The following UBE3C variants were observed in gnomAD, a reference collection of about 807,000 sequenced individuals.
The protein encoded by UBE3C is ubiquitin protein ligase E3C.
Under a neutral mutation model 129.4 loss-of-function variants are expected in UBE3C, and 42 were observed. The ratio of observed to expected loss-of-function variants is 0.32; its 90% CI spans 0.25 to 0.42. UBE3C has a LOEUF of 0.42. Ranked by LOEUF, UBE3C falls within the 10% of genes least tolerant of loss-of-function variation. The probability of loss-of-function intolerance (pLI) is 1.00; values close to 1 mark genes in which losing one functional copy is unlikely to be tolerated. For synonymous variants in UBE3C, 510 were observed against 492.4 expected, an observed-to-expected ratio of 1.04 and a Z score of -0.47; for missense variants, 1,049 against 1,319.1, an observed-to-expected ratio of 0.80 and a Z score of 3.17.
chr7:157,255,934 C>G (rs1490424260), intron 21 of UBE3C, among the ~76,000 whole-genome samples: 2 of 152,102 alleles, frequency 1.3e-5, no homozygotes, highest in Non-Finnish European at 2.9e-5. Flanking sequence ...CCAAATCATG[C>G]TGGGAAAACA....
At chr7:157,152,585 C>T (rs770723347) in intron 1 of UBE3C, among the ~76,000 whole-genome samples, 5 of 152,138 alleles carry the variant, frequency 3.3e-5, no homozygotes, top group Non-Finnish European at 5.9e-5. Context: ...TTTATGAGCT[C>T]ATTGATCTCG....
chr7:157,248,329 T>C, intron 18 of UBE3C, 39 bp from the exon 19 acceptor site: 2 of 1,568,866 alleles, frequency 1.3e-6, no homozygotes, highest in Non-Finnish European at 1.7e-6. Flanking sequence ...AGAAGGCTTG[T>C]ATATTCGATG....
chr7:157,192,929 T>G (rs1809013665), intron 10 of UBE3C: 2 of 652,792 alleles, frequency 3.1e-6, no homozygotes, highest in South Asian at 3.7e-5. Flanking sequence ...CTTTCCCCCA[T>G]TTTAATTTAA....
At chr7:157,236,252 G>A (rs1216830770) in intron 18 of UBE3C, among the ~76,000 whole-genome samples, 1 of 151,862 alleles carries the variant, frequency 6.6e-6, no homozygotes, top group Non-Finnish European at 1.5e-5. Flanking sequence ...TTTTTTTACA[G>A]ATAGAAGCAC....
intron 22 of UBE3C, among the ~76,000 whole-genome samples, chr7:157,257,946 CTTT>C (rs755192643): frequency 1.5e-5 from 2 of 135,904 alleles, no homozygotes; most frequent in Non-Finnish European, 3.2e-5. Context: ...TTCCTTTTTT[CTTT>C]TTTTTTTTTT....
intron 9 of UBE3C, among the ~76,000 whole-genome samples, chr7:157,184,562 C>T (rs986659807): frequency 3.9e-5 from 6 of 152,062 alleles, no homozygotes; most frequent in African/African-American, 1.2e-4. Flanking sequence ...AGAATTTAAC[C>T]GCCAATGACT....
At chr7:157,224,792 ACTCT>A (rs56922114) in intron 16 of UBE3C, among the ~76,000 whole-genome samples, 3,380 of 139,230 alleles carry the variant, frequency 0.024, 101 homozygotes, top group African/African-American at 0.087. Flanking sequence ...ACACACACAC[ACTCT>A]CTCTCTCTCT....
At chr7:157,165,852 G>A (rs1808198690) in intron 2 of UBE3C, among the ~76,000 whole-genome samples, 1 of 152,004 alleles carries the variant, frequency 6.6e-6, no homozygotes, top group Non-Finnish European at 1.5e-5. Context: ...CCAGTAATTG[G>A]ATCTTCCGTG....
rs17646047 is a variant in UBE3C, at chr7:157,181,660, G to A, written c.759G>A (p.Pro253=). 102,745 of 1,613,138 alleles carry A rather than the reference G, an allele frequency of 0.064. 3,637 individuals carry two copies. Among genetic ancestry groups the A allele is most frequent in the Non-Finnish European group, 0.075 (88,157 of 1,179,690 alleles). The change falls in exon 7 of 23, where the codon CCG becomes CCA. Residue 253 remains proline, a synonymous_variant. Coordinates refer to ENST00000348165, the MANE Select transcript of UBE3C (RefSeq NM_014671.3). ...TGCACTTTACTTACAACTCCTGTCCGGAAGGTGCGAGGTGAGACTGGAATG... is the reference window on the plus strand; with the variant it reads ...TGCACTTTACTTACAACTCCTGTCCAGAAGGTGCGAGGTGAGACTGGAATG... ...KPLHFTYNSC[P]EGARQQVFTA... is the part of the protein sequence containing the mutation.
At chr7:157,183,770 A>T in intron 8 of UBE3C, 108 bp from the exon 9 acceptor site, 3 of 1,334,994 alleles carry the variant, frequency 2.2e-6, no homozygotes, top group Non-Finnish European at 3.1e-6. Context: ...TAAAAATAAG[A>T]TCTGGTCAGA....
intron 1 of UBE3C, among the ~76,000 whole-genome samples, chr7:157,149,022 A>AC (rs1807683619): frequency 6.6e-6 from 1 of 152,054 alleles, no homozygotes; most frequent in Non-Finnish European, 1.5e-5. Context: ...TAGGAGCAAA[A>AC]GACTGTAGTT....
intron 8 of UBE3C, among the ~76,000 whole-genome samples, chr7:157,183,255 G>A (rs1808716094): frequency 1.3e-5 from 2 of 152,174 alleles, no homozygotes; most frequent in African/African-American, 4.8e-5. Context: ...CCACTTCAGA[G>A]GCCGATTACA....
At position 157,234,567 on chromosome 7, in the gene UBE3C, A is replaced by G. The variant is rs528548613; in HGVS notation, c.2481+3240A>G. On this transcript the variant is annotated intron_variant, in intron 18 of 22. Coordinates refer to ENST00000348165, the MANE Select transcript of UBE3C (RefSeq NM_014671.3). ...GGAATCAGTCTATCCTGGATATAGA[A>G]TAATTCCCCTTTATTTGTGTCTCTT... is the stretch of plus-strand genomic sequence containing the variant. Among the ~76,000 whole-genome samples, 4 of 152,340 alleles carry G rather than the reference A, an allele frequency of 2.6e-5. No individual in the cohort carries two copies. The South Asian group carries it at 8.3e-4, about 32-fold the overall frequency.
chr7:157,175,094 A>T, intron 5 of UBE3C, 60 bp downstream of exon 5: 1 of 1,122,512 alleles, frequency 8.9e-7, no homozygotes, highest in Non-Finnish European at 1.2e-6. Flanking sequence ...GTCTAGGGGA[A>T]CACCTTTTGA....
At chr7:157,219,552 A>T (rs1795679728) in intron 14 of UBE3C, among the ~76,000 whole-genome samples, 1 of 152,222 alleles carries the variant, frequency 6.6e-6, no homozygotes, top group Non-Finnish European at 1.5e-5. Context: ...ATGAGGGTGC[A>T]ATTAGCAAAA....
intron 11 of UBE3C, among the ~76,000 whole-genome samples, chr7:157,203,385 T>G (rs1324076021): frequency 2.6e-5 from 4 of 152,184 alleles, no homozygotes; most frequent in African/African-American, 9.6e-5. Context: ...AAATACAAGA[T>G]TTTAAGTATG....
chr7:157,233,373 G>A (rs1468889868), intron 18 of UBE3C, among the ~76,000 whole-genome samples: 3 of 151,860 alleles, frequency 2.0e-5, no homozygotes, highest in Admixed American at 6.6e-5. Flanking sequence ...TCAGTCCTGC[G>A]CTTAAGGAGG....
At chr7:157,178,882 C>CA in intron 6 of UBE3C, 35 bp downstream of exon 6, 1 of 1,606,972 alleles carries the variant, frequency 6.2e-7, no homozygotes, top group African/African-American at 1.3e-5. Context: ...TGTGGCTCAG[C>CA]ATCCTGATGG....
intron 19 of UBE3C, among the ~76,000 whole-genome samples, chr7:157,252,953 A>G (rs761870898): frequency 9.9e-5 from 15 of 152,048 alleles, no homozygotes; most frequent in Admixed American, 3.3e-4. Context: ...CTTTATCTCA[A>G]ACTCCTGGGC....
Sources: allele counts gnomAD v4.1 joint callset (sites outside exome capture counted in the v4.1 genomes callset), GRCh38; gene constraint gnomAD v4.1.1; transcripts MANE v1.5; gene names NCBI Gene and HGNC (gene_info 2026-07-23, HGNC 2026-07-21).